The following ATP8A1 variants were observed in gnomAD, a reference collection of about 807,000 sequenced individuals.
ATP8A1 encodes the protein ATPase phospholipid transporting 8A1.
ATP8A1 carries 90 observed loss-of-function variants against 177.7 expected under a neutral mutation model. The observed-to-expected ratio is 0.51, with a 90% CI of 0.43 to 0.60. The LOEUF is 0.60. Among genes scored for constraint, ATP8A1 ranks in the 20% least tolerant of loss-of-function variants. The pLI, the probability that ATP8A1 is intolerant of heterozygous loss-of-function variation, is 0.00. For missense variants in ATP8A1, 1,072 were observed against 1,392.8 expected, an observed-to-expected ratio of 0.77 and a Z score of 3.67; for synonymous variants, 493 against 485.9, an observed-to-expected ratio of 1.01 and a Z score of -0.19.
At chr4:42,524,729 T>G in intron 21 of ATP8A1, 34 bp downstream of exon 21, 1 of 1,397,852 alleles carries the variant, frequency 7.2e-7, no homozygotes, top group East Asian at 2.3e-5. Flanking sequence ...TTTCTTTGTA[T>G]TTTAATCATG....
At chr4:42,575,157 T>C (rs73237906) in intron 13 of ATP8A1, among the ~76,000 whole-genome samples, 1 of 152,208 alleles carries the variant, frequency 6.6e-6, no homozygotes, top group Non-Finnish European at 1.5e-5. Flanking sequence ...AGTTGGAATA[T>C]GGCAACAATA....
At chr4:42,627,172 C>G in intron 1 of ATP8A1, 63 bp from the exon 2 acceptor site, 2 of 1,179,326 alleles carry the variant, frequency 1.7e-6, no homozygotes, top group Non-Finnish European at 2.5e-6. Context: ...AAACAGATTT[C>G]ATAACTAGTC....
chr4:42,655,204 A>G (rs1741493894), intron 1 of ATP8A1, among the ~76,000 whole-genome samples: 2 of 152,248 alleles, frequency 1.3e-5, no homozygotes, highest in African/African-American at 2.4e-5. Context: ...GCAAATTACT[A>G]AACCATATGG....
At chr4:42,564,047 A>T (rs1368569621) in intron 15 of ATP8A1, among the ~76,000 whole-genome samples, 1 of 152,194 alleles carries the variant, frequency 6.6e-6, no homozygotes, top group Non-Finnish European at 1.5e-5. Context: ...GTGAGCCAAC[A>T]TTGCACTACT....
chr4:42,523,510 C>A (rs746439304), intron 21 of ATP8A1, among the ~76,000 whole-genome samples: 8 of 152,130 alleles, frequency 5.3e-5, no homozygotes, highest in Non-Finnish European at 1.0e-4. Flanking sequence ...GAGAGTGGAA[C>A]TTAAATCCCT....
At chr4:42,498,581 CAT>C (rs1723510313) in intron 24 of ATP8A1, among the ~76,000 whole-genome samples, 1 of 152,028 alleles carries the variant, frequency 6.6e-6, no homozygotes, top group Non-Finnish European at 1.5e-5. Context: ...GGTTTGGGGT[CAT>C]ATTCTCAAAT....
At chr4:42,569,071 A>G in intron 15 of ATP8A1, 90 bp downstream of exon 15, 1 of 607,186 alleles carries the variant, frequency 1.6e-6, no homozygotes, top group Admixed American at 4.3e-5. Context: ...ATATATATTT[A>G]TATAAAAGAG....
chr4:42,627,168 A>T, intron 1 of ATP8A1, 59 bp from the exon 2 acceptor site: 1 of 1,222,922 alleles, frequency 8.2e-7, no homozygotes, highest in Non-Finnish European at 1.2e-6. Flanking sequence ...CCAAAAACAG[A>T]TTTCATAACT....
At chr4:42,622,979 A>G (rs1737645621) in intron 4 of ATP8A1, among the ~76,000 whole-genome samples, 1 of 146,048 alleles carries the variant, frequency 6.8e-6, no homozygotes, top group Non-Finnish European at 1.5e-5. Flanking sequence ...ACTGCACTCC[A>G]GCCTGGGTGA....
intron 25 of ATP8A1, among the ~76,000 whole-genome samples, chr4:42,480,982 GAACAT>G (rs1470998686): frequency 1.3e-5 from 2 of 152,200 alleles, no homozygotes; most frequent in African/African-American, 4.8e-5. Flanking sequence ...AACTGTCACA[GAACAT>G]AAGTTTCAAA....
At position 42,555,139 on chromosome 4, in the gene ATP8A1, A is replaced by ATCTATCTATCTAATCAATCT. The variant is rs1553903246; in HGVS notation, c.1413+828_1413+829insAGATTGATTAGATAGATAGA. ...TATCTATCTATCTATCTATCTATCT[A>ATCTATCTATCTAATCAATCT]ATCTATCTATCTATCTATCTATCTA... is the stretch of plus-strand genomic sequence containing the variant. On this transcript the variant is annotated intron_variant, in intron 16 of 36. Coordinates refer to ENST00000381668, the MANE Select transcript of ATP8A1 (RefSeq NM_006095.2). 8.4e-5 allele frequency among the ~76,000 whole-genome samples: 5 copies of ATCTATCTATCTAATCAATCT among 59,558 alleles called. No individual in the cohort carries two copies. In the East Asian group the frequency reaches 1.3e-3, roughly 15 times the overall value. 39.1% of individuals were successfully genotyped at this position (59,558 alleles called of 152,430 possible).
intron 19 of ATP8A1, among the ~76,000 whole-genome samples, chr4:42,545,793 G>A (rs970381895): frequency 9.9e-5 from 15 of 152,152 alleles, no homozygotes; most frequent in Admixed American, 1.3e-4. Flanking sequence ...GGCCAACATG[G>A]TGAAACCCTA....
chr4:42,574,026 T>C (rs1732166598), intron 14 of ATP8A1, among the ~76,000 whole-genome samples: 1 of 152,214 alleles, frequency 6.6e-6, no homozygotes, highest in South Asian at 2.1e-4. Flanking sequence ...GAACAGCTTG[T>C]AAGCATACCT....
chr4:42,433,211 C>A (rs1364415327), intron 33 of ATP8A1, among the ~76,000 whole-genome samples: 2 of 152,198 alleles, frequency 1.3e-5, no homozygotes, highest in African/African-American at 4.8e-5. Context: ...TCACACCCAC[C>A]TTCCTGGACA....
chr4:42,424,308 A>C (rs925256596), intron 33 of ATP8A1, among the ~76,000 whole-genome samples: 2 of 152,076 alleles, frequency 1.3e-5, no homozygotes, highest in Admixed American at 6.5e-5. Flanking sequence ...AAAAGTAATA[A>C]ATTCTATTAT....
intron 5 of ATP8A1, among the ~76,000 whole-genome samples, chr4:42,610,926 G>GCAA (rs1431196071): frequency 6.6e-6 from 1 of 152,150 alleles, no homozygotes; most frequent in Non-Finnish European, 1.5e-5. Context: ...CAAAAAGGGA[G>GCAA]CAACACTCTC....
Position 42,493,009 on chromosome 4 carries a change from G to A in ATP8A1, c.2152-7341C>T, listed in dbSNP as rs536905100. Among the ~76,000 whole-genome samples, 3 of 152,322 alleles carry A rather than the reference G, an allele frequency of 2.0e-5. No individual in the cohort carries two copies. The South Asian group carries it at 6.2e-4, about 32-fold the overall frequency. On this transcript the variant is annotated intron_variant, in intron 24 of 36. Coordinates refer to ENST00000381668, the MANE Select transcript of ATP8A1 (RefSeq NM_006095.2). ...TACTGAAACGAGGTAACTGGAGGCA[G>A]AGCCACTGTGACACAACTCTTCATA...
intron 33 of ATP8A1, among the ~76,000 whole-genome samples, chr4:42,428,969 T>G (rs1414912410): frequency 1.3e-5 from 2 of 152,204 alleles, no homozygotes; most frequent in Non-Finnish European, 2.9e-5. Flanking sequence ...ATCCTCTTGT[T>G]AGACTATATA....
intron 20 of ATP8A1, among the ~76,000 whole-genome samples, chr4:42,539,691 A>G (rs28842544): frequency 0.02 from 3,020 of 152,248 alleles, 80 homozygotes; most frequent in African/African-American, 0.069. Flanking sequence ...ACACTGGAGA[A>G]AGGTCATGCT....
Sources: allele counts gnomAD v4.1 joint callset (sites outside exome capture counted in the v4.1 genomes callset), GRCh38; gene constraint gnomAD v4.1.1; transcripts MANE v1.5; gene names NCBI Gene and HGNC (gene_info 2026-07-23, HGNC 2026-07-21).